The following CA6 variants were observed in gnomAD, a reference collection of about 807,000 sequenced individuals.
CA6 encodes the protein carbonic anhydrase 6.
CA6 carries 28 observed loss-of-function variants against 35.9 expected under a neutral mutation model. The observed-to-expected ratio is 0.78, with a 90% CI of 0.58 to 1.07. CA6 has a LOEUF of 1.07. Among genes scored for constraint, CA6 ranks in the 50% least tolerant of loss-of-function variants. The pLI, the probability that CA6 is intolerant of heterozygous loss-of-function variation, is 0.00. For missense variants in CA6, 377 were observed against 382.0 expected, an observed-to-expected ratio of 0.99 and a Z score of 0.11; for synonymous variants, 148 against 152.6, an observed-to-expected ratio of 0.97 and a Z score of 0.22.
intron 7 of CA6, among the ~76,000 whole-genome samples, chr1:8,973,628 G>T (rs1640164104): frequency 6.6e-6 from 1 of 152,034 alleles, no homozygotes; most frequent in Non-Finnish European, 1.5e-5. Flanking sequence ...CCCGAATTGT[G>T]GCCTCCCTTT....
At chr1:8,958,573 C>A (rs1263294350) in intron 3 of CA6, among the ~76,000 whole-genome samples, 2 of 152,218 alleles carry the variant, frequency 1.3e-5, no homozygotes, top group African/African-American at 4.8e-5. Context: ...ACTCTCCCTG[C>A]AAAGCCCCCA....
chr1:8,962,917 C>T (rs1183346478), intron 5 of CA6, among the ~76,000 whole-genome samples: 1 of 152,198 alleles, frequency 6.6e-6, no homozygotes, highest in East Asian at 1.9e-4. Context: ...TGGAGTTGCA[C>T]TAAGTAGGCA....
intron 2 of CA6, among the ~76,000 whole-genome samples, chr1:8,954,800 C>A (rs1343984527): frequency 6.6e-6 from 1 of 152,042 alleles, no homozygotes; most frequent in African/African-American, 2.4e-5. Context: ...GTCTTGAACC[C>A]CTGACCTCAG....
Position 8,949,303 on chromosome 1 carries a change from C to T in CA6, c.120C>T (p.Pro40=), listed in dbSNP as rs76538501. 500 of 1,612,922 alleles carry T rather than the reference C, an allele frequency of 3.1e-4. 7 individuals are homozygous for T. The African/African-American group carries it at 5.9e-3, about 19-fold the overall frequency. ...AAGCGCACTGGCCACAGCACTACCC[C>T]GCCTGTGGGGGCCAGAGACAGTCGC... ...LDEAHWPQHY[P]ACGGQRQSPI... is the part of the protein sequence containing the mutation. The change falls in exon 2 of 8, where the codon CCC becomes CCT. Residue 40 remains proline (P), a synonymous_variant. Transcript: ENST00000377443.
Position 8,949,347 on chromosome 1 carries a change from C to G in CA6, c.164C>G (p.Thr55Arg), listed in dbSNP as rs2274327. The G allele has an allele frequency of 6.2e-7, 1 of 1,611,104 alleles. No individual in the cohort carries two copies. Among genetic ancestry groups the G allele is most frequent in the Non-Finnish European group, 8.5e-7 (1 of 1,178,078 alleles). Residue 55 changes from threonine to arginine, a missense_variant, in exon 2 of 8, where the codon ACG becomes AGG. Physicochemically the swap from Thr to Arg is moderately conservative, Grantham distance 71. Transcript: ENST00000377443. ...QRQSPINLQR[T>R]KVRYNPSLKG... ...CAGTCGCCTATCAACCTACAGAGGACGAAGGTGCGGTACAACCCCTCCTTG... is the reference window on the plus strand; with the variant it reads ...CAGTCGCCTATCAACCTACAGAGGAGGAAGGTGCGGTACAACCCCTCCTTG...
intron 1 of CA6, among the ~76,000 whole-genome samples, chr1:8,947,400 A>T (rs955152018): frequency 5.9e-5 from 9 of 152,082 alleles, no homozygotes; most frequent in African/African-American, 2.2e-4. Context: ...CTTCAGGGTG[A>T]ACGGGATGAT....
intron 3 of CA6, among the ~76,000 whole-genome samples, chr1:8,957,539 C>T (rs957030635): frequency 1.3e-5 from 2 of 152,090 alleles, no homozygotes; most frequent in Non-Finnish European, 2.9e-5. Flanking sequence ...CGGGATTTCA[C>T]CATTTTGGCC....
Position 8,958,954 on chromosome 1 carries a change from A to G in CA6, c.453A>G (p.Ile151Met). 1.9e-6 allele frequency: 3 copies of G among 1,613,234 alleles called. No individual in the cohort carries two copies. Among genetic ancestry groups the G allele is most frequent in the Middle Eastern group, 1.7e-4 (1 of 6,060 alleles). The change falls in exon 4 of 8, where the codon ATA becomes ATG. Residue 151 changes from isoleucine to methionine, a missense_variant. By Grantham distance (10) the Ile-to-Met change is conservative. Transcript: ENST00000377443. ...ATTCTAAATACAAGAGCTATGATAT[A>G]GCCCAAGATGCGCCGGATGGTTTGG... ...HYNSKYKSYD[I>M]AQDAPDGLAV... is the part of the protein sequence containing the mutation.
At chr1:8,948,748 T>C (rs1404144232) in intron 1 of CA6, among the ~76,000 whole-genome samples, 2 of 152,026 alleles carry the variant, frequency 1.3e-5, no homozygotes, top group African/African-American at 4.8e-5. Flanking sequence ...GGTGGGTGGA[T>C]CACCTGAGGT....
At chr1:8,947,549 A>C (rs1248368919) in intron 1 of CA6, among the ~76,000 whole-genome samples, 1 of 152,050 alleles carries the variant, frequency 6.6e-6, no homozygotes, top group Non-Finnish European at 1.5e-5. Flanking sequence ...ATTCTGCTTC[A>C]CTTGGCCAAG....
At chr1:8,956,200 G>C (rs1455718681) in intron 2 of CA6, among the ~76,000 whole-genome samples, 1 of 152,114 alleles carries the variant, frequency 6.6e-6, no homozygotes, top group Non-Finnish European at 1.5e-5. Context: ...TCCAGCCTGG[G>C]TGACAGAGTA....
intron 1 of CA6, among the ~76,000 whole-genome samples, chr1:8,947,827 G>A (rs957316047): frequency 4.6e-5 from 7 of 151,800 alleles, no homozygotes; most frequent in Non-Finnish European, 7.4e-5. Flanking sequence ...ACCAAAAAGC[G>A]GTGAGGGCCC....
chr1:8,950,062 C>T (rs1347952438), intron 2 of CA6, among the ~76,000 whole-genome samples: 1 of 152,102 alleles, frequency 6.6e-6, no homozygotes, highest in African/African-American at 2.4e-5. Flanking sequence ...TCACTGCAAC[C>T]TCCACCTCCT....
chr1:8,965,505 C>CT lies in CA6; in HGVS notation c.572-2145dup, dbSNP rs201895236. On this transcript the variant is annotated intron_variant, in intron 5 of 7. Transcript: ENST00000377443. ...ATAAGTAGAATCAAACAGTATTTGT[C>CT]TTTTTTTTTGGTCTGGATTATTTCA... 3.0e-3 allele frequency among the ~76,000 whole-genome samples: 448 copies of CT among 151,286 alleles called. 3 individuals are homozygous for CT. The highest frequency in any genetic ancestry group is 9.6e-3 in the African/African-American group (397 of 41,228).
At chr1:8,962,826 C>T (rs1639875736) in intron 5 of CA6, among the ~76,000 whole-genome samples, 170 bp downstream of exon 5, 1 of 152,230 alleles carries the variant, frequency 6.6e-6, no homozygotes, top group Non-Finnish European at 1.5e-5. Flanking sequence ...GTGATTTCTG[C>T]TGTTGGCTTA....
At chr1:8,967,580 C>A in intron 5 of CA6, 79 bp from the exon 6 acceptor site, 9 of 1,169,584 alleles carry the variant, frequency 7.7e-6, no homozygotes, top group East Asian at 2.4e-5. Flanking sequence ...TGGAACCTGG[C>A]GAGGCCTGGG....
At chr1:8,948,053 G>T (rs1431145371) in intron 1 of CA6, among the ~76,000 whole-genome samples, 1 of 152,022 alleles carries the variant, frequency 6.6e-6, no homozygotes, top group Non-Finnish European at 1.5e-5. Flanking sequence ...CTCCAGGTTT[G>T]TCAGGGTGGG....
chr1:8,947,048 C>T (rs1347302360), intron 1 of CA6, among the ~76,000 whole-genome samples: 1 of 151,962 alleles, frequency 6.6e-6, no homozygotes, highest in Non-Finnish European at 1.5e-5. Flanking sequence ...AAGTGATCCG[C>T]CCACCTTAGC....
chr1:8,949,947 C>A (rs1044671294), intron 2 of CA6, among the ~76,000 whole-genome samples: 2 of 152,040 alleles, frequency 1.3e-5, no homozygotes, highest in South Asian at 4.1e-4. Flanking sequence ...CGTGGGGATG[C>A]CCCACTTCAG....
Sources: gnomAD v4.1 joint callset for allele counts (sites outside exome capture counted in the v4.1 genomes callset) on GRCh38, gnomAD v4.1.1 for gene constraint, MANE v1.5 for transcripts, NCBI Gene and HGNC (gene_info 2026-07-23, HGNC 2026-07-21) for gene names.